CDYL2: variants seen among roughly 807,000 people sequenced by gnomAD.
CDYL2 encodes the protein chromodomain Y-like protein 2.
Under a neutral mutation model 49.4 loss-of-function variants are expected in CDYL2, and 23 were observed. The observed-to-expected ratio is 0.47, with a 90% CI of 0.34 to 0.66. The LOEUF (loss-of-function observed/expected upper bound fraction) is 0.66. CDYL2 is among the 30% of genes least tolerant of loss of function. The pLI, the probability that CDYL2 is intolerant of heterozygous loss-of-function variation, is 0.01. For missense variants in CDYL2, 678 were observed against 656.4 expected (o/e 1.03, Z -0.36); for synonymous variants, 360 against 268.8 (o/e 1.34, Z -3.32).
intron 1 of CDYL2, among the ~76,000 whole-genome samples, chr16:80,737,346 C>T (rs189584341): frequency 7.1e-4 from 108 of 152,242 alleles, no homozygotes; most frequent in Middle Eastern, 3.4e-3. Flanking sequence ...AAGGTCTCAC[C>T]GAGTCCTTGG....
At position 80,708,054 on chromosome 16, in the gene CDYL2, TC is replaced by T. The variant is rs1443870236; in HGVS notation, c.25-22926del. Among the ~76,000 whole-genome samples, 5 of 152,218 alleles carry T rather than the reference TC, an allele frequency of 3.3e-5. No homozygotes were observed. In the South Asian group the frequency reaches 1.0e-3, roughly 32 times the overall value. ...GGGGTGGGGCAAAGATGATGCCCTT[TC>T]CCCCTTCATGCCCCATAGGAGGTTG... On this transcript the variant is annotated intron_variant, in intron 1 of 6. Coordinates refer to ENST00000570137, the MANE Select transcript of CDYL2 (RefSeq NM_152342.4).
intron 1 of CDYL2, among the ~76,000 whole-genome samples, chr16:80,754,310 G>C (rs973536806): frequency 6.6e-6 from 1 of 152,142 alleles, no homozygotes; most frequent in Non-Finnish European, 1.5e-5. Context: ...AGCCCAAGGA[G>C]AGATATCCAG....
At chr16:80,763,864 G>C (rs1055819301) in intron 1 of CDYL2, among the ~76,000 whole-genome samples, 1 of 152,170 alleles carries the variant, frequency 6.6e-6, no homozygotes, top group African/African-American at 2.4e-5. Flanking sequence ...CTTACTTTCT[G>C]CTGGGAGACC....
intron 4 of CDYL2, among the ~76,000 whole-genome samples, chr16:80,614,451 C>T (rs974998265): frequency 4.9e-4 from 74 of 152,244 alleles, no homozygotes; most frequent in African/African-American, 1.6e-3. Context: ...GTCTAGGTTC[C>T]TGAGTCACCA....
In CDYL2 at chr16:80,712,187, G is replaced by GTATATATATATATATATATA. The variant is rs1464649825; in HGVS notation, c.25-27059_25-27058insTATATATATATATATATATA. The stretch of plus-strand genomic sequence containing the variant: ...TATATATATGTGTCTTTGTGTCTGT[G>GTATATATATATATATATATA]TGTGTATATATATATATATATATAT... On this transcript the variant is annotated intron_variant, in intron 1 of 6. Transcript: ENST00000570137. Among the ~76,000 whole-genome samples, 333 of 37,890 alleles carry GTATATATATATATATATATA rather than the reference G, an allele frequency of 8.8e-3. 13 individuals are homozygous for GTATATATATATATATATATA. The highest frequency in any genetic ancestry group is 0.019 in the Middle Eastern group (1 of 54). 24.9% of individuals were successfully genotyped at this position (37,890 alleles called of 152,430 possible). A position where few individuals can be genotyped will look rare whatever the true frequency, so the allele number is the denominator to read the frequency against.
chr16:80,679,794 TA>T, intron 2 of CDYL2: 1 of 456,042 alleles, frequency 2.2e-6, no homozygotes, highest in Non-Finnish European at 4.4e-6. Context: ...CTCATTAGTC[TA>T]GAGCAGTAGT....
intron 1 of CDYL2, among the ~76,000 whole-genome samples, chr16:80,743,509 G>T (rs1905821290): frequency 6.6e-6 from 1 of 152,148 alleles, no homozygotes; most frequent in Admixed American, 6.5e-5. Flanking sequence ...GTATGAATGG[G>T]TCAGGAGAGA....
chr16:80,681,683 C>G (rs1462127899), intron 2 of CDYL2, among the ~76,000 whole-genome samples: 1 of 152,262 alleles, frequency 6.6e-6, no homozygotes, highest in East Asian at 1.9e-4. Context: ...CACGAGTGAC[C>G]ACAGAAGACG....
intron 1 of CDYL2, among the ~76,000 whole-genome samples, chr16:80,754,169 G>A (rs891651642): frequency 1.3e-5 from 2 of 152,198 alleles, no homozygotes; most frequent in Non-Finnish European, 2.9e-5. Context: ...ACTGTGCACA[G>A]GGAAGGGGAC....
At chr16:80,675,462 C>T (rs574748545) in intron 2 of CDYL2, among the ~76,000 whole-genome samples, 2 of 152,296 alleles carry the variant, frequency 1.3e-5, no homozygotes, top group African/African-American at 2.4e-5. Context: ...AGTAAGACCT[C>T]AAGAAATGTT....
chr16:80,712,191 G>GTGTATATGTATATATATATATATA (rs1555532109), intron 1 of CDYL2, among the ~76,000 whole-genome samples: 1 of 107,934 alleles, frequency 9.3e-6, no homozygotes, highest in African/African-American at 2.9e-5. Context: ...GTCTGTGTGT[G>GTGTATATGTATATATATATATATA]TATATATATA....
intron 2 of CDYL2, among the ~76,000 whole-genome samples, chr16:80,648,329 A>C (rs948623898): frequency 1.3e-5 from 2 of 152,162 alleles, no homozygotes; most frequent in African/African-American, 4.8e-5. Flanking sequence ...CTTTTAACTG[A>C]TACTGCAGAA....
At chr16:80,722,412 G>C (rs1905027192) in intron 1 of CDYL2, among the ~76,000 whole-genome samples, 1 of 152,106 alleles carries the variant, frequency 6.6e-6, no homozygotes, top group African/African-American at 2.4e-5. Flanking sequence ...ACACTGCTGA[G>C]TCCTGAGAAT....
chr16:80,653,660 C>T (rs937015171), intron 2 of CDYL2, among the ~76,000 whole-genome samples: 1 of 152,106 alleles, frequency 6.6e-6, no homozygotes, highest in African/African-American at 2.4e-5. Flanking sequence ...AGAATGGGGT[C>T]TCCAATTCCT....
intron 2 of CDYL2, among the ~76,000 whole-genome samples, chr16:80,652,867 TC>T (rs1908644107): frequency 6.6e-6 from 1 of 152,048 alleles, no homozygotes; most frequent in Non-Finnish European, 1.5e-5. Context: ...TCCTCAAAAC[TC>T]TTTTTACGAC....
intron 1 of CDYL2, among the ~76,000 whole-genome samples, chr16:80,741,438 A>G (rs1429448584): frequency 6.6e-6 from 1 of 152,016 alleles, no homozygotes; most frequent in African/African-American, 2.4e-5. Context: ...AACATTTTAA[A>G]TTTTCATATA....
At chr16:80,637,669 C>G (rs893132939) in intron 2 of CDYL2, among the ~76,000 whole-genome samples, 1 of 130,178 alleles carries the variant, frequency 7.7e-6, no homozygotes, top group Admixed American at 7.7e-5. Context: ...TAAAAAAATA[C>G]TGTTTTAATA....
chr16:80,739,846 G>A (rs952463869), intron 1 of CDYL2, among the ~76,000 whole-genome samples: 7 of 152,186 alleles, frequency 4.6e-5, no homozygotes, highest in South Asian at 2.1e-4. Flanking sequence ...TGCTGTCCAC[G>A]GCAGGCCAAT....
chr16:80,604,760 G>A (rs1038857098), intron 6 of CDYL2, among the ~76,000 whole-genome samples: 4 of 152,186 alleles, frequency 2.6e-5, no homozygotes, highest in Non-Finnish European at 5.9e-5. Flanking sequence ...CCCTGGGATG[G>A]CTCAGTGGGG....
Sources: gnomAD v4.1 joint callset for allele counts (sites outside exome capture counted in the v4.1 genomes callset) on GRCh38, gnomAD v4.1.1 for gene constraint, MANE v1.5 for transcripts, NCBI Gene and HGNC (gene_info 2026-07-23, HGNC 2026-07-21) for gene names.